Variants in ABR observed in about 807,000 individuals in gnomAD.
The protein encoded by ABR is active breakpoint cluster region-related protein.
Under a neutral mutation model 107.2 loss-of-function variants are expected in ABR, and 35 were observed. The observed-to-expected ratio is 0.33, with a 90% CI of 0.25 to 0.43. ABR has a LOEUF of 0.43. ABR is among the 20% of genes least tolerant of loss of function. The pLI, the probability that ABR is intolerant of heterozygous loss-of-function variation, is 1.00. For missense variants in ABR, 815 were observed against 1,115.2 expected, an observed-to-expected ratio of 0.73 and a Z score of 3.83; for synonymous variants, 498 against 462.0, an observed-to-expected ratio of 1.08 and a Z score of -1.00.
chr17:1,097,778 C>A (rs2037572775), intron 3 of ABR, among the ~76,000 whole-genome samples: 1 of 152,162 alleles, frequency 6.6e-6, no homozygotes, highest in African/African-American at 2.4e-5. Context: ...GAACTCCTTT[C>A]AAATACACAC....
chr17:1,059,473 C>A (rs1175993772), intron 10 of ABR, among the ~76,000 whole-genome samples: 1 of 152,188 alleles, frequency 6.6e-6, no homozygotes, highest in Non-Finnish European at 1.5e-5. Context: ...CACATTAAAT[C>A]CTGGGTACAA....
At chr17:1,227,912 G>GC (rs1275921229) in intron 1 of ABR, among the ~76,000 whole-genome samples, 1 of 152,172 alleles carries the variant, frequency 6.6e-6, no homozygotes, top group East Asian at 1.9e-4. Flanking sequence ...TTTGACTGCT[G>GC]CAAAGCACCG....
At chr17:1,052,412 T>C (rs2032684027) in intron 14 of ABR, among the ~76,000 whole-genome samples, 3 of 72,706 alleles carry the variant, frequency 4.1e-5, no homozygotes, top group Admixed American at 3.0e-4. Context: ...GAGGGAGGGT[T>C]CCGGAAGGGG....
intron 1 of ABR, among the ~76,000 whole-genome samples, chr17:1,226,043 C>G (rs2043207166): frequency 6.6e-6 from 1 of 152,180 alleles, no homozygotes; most frequent in Non-Finnish European, 1.5e-5. Context: ...CTCGCCGTGT[C>G]CAATGCACTC....
At chr17:1,118,106 C>T (rs1369997315) in intron 2 of ABR, among the ~76,000 whole-genome samples, 10 of 11,344 alleles carry the variant, frequency 8.8e-4, no homozygotes, top group Non-Finnish European at 9.7e-4. Context: ...CCTGAGTCCT[C>T]CCCAGCGTTA....
chr17:1,040,314 C>T (rs2030154886), intron 16 of ABR, among the ~76,000 whole-genome samples: 1 of 152,218 alleles, frequency 6.6e-6, no homozygotes, highest in African/African-American at 2.4e-5. Context: ...GGCTCCGGCC[C>T]CACGTTCTCT....
chr17:1,123,205 G>A (rs948695328), intron 2 of ABR, among the ~76,000 whole-genome samples: 20 of 152,152 alleles, frequency 1.3e-4, no homozygotes, highest in African/African-American at 1.9e-4. Context: ...CAGGTGCCGC[G>A]GATGGGACCT....
rs1351474189 is a variant in ABR, at chr17:1,159,536, A to ACG, written c.61+20130_61+20131insCG. ...CAGGAGAAGTAGGAATGCGGTACTC[A>ACG]CACACGGGAGAAGTAGGAATGCGGT... is the stretch of plus-strand genomic sequence containing the variant. On this transcript the variant is annotated intron_variant, in intron 1 of 22. Coordinates refer to ENST00000302538, the MANE Select transcript of ABR (RefSeq NM_021962.5). Among the ~76,000 whole-genome samples, 64 of 88,756 alleles carry ACG rather than the reference A, an allele frequency of 7.2e-4. 2 individuals carry two copies. Among genetic ancestry groups the ACG allele is most frequent in the South Asian group, 1.5e-3 (4 of 2,620 alleles). 58.2% of individuals were successfully genotyped at this position (88,756 alleles called of 152,430 possible). A position where few individuals can be genotyped will look rare whatever the true frequency, so the allele number is the denominator to read the frequency against.
At chr17:1,080,774 G>T (rs1168059928) in intron 5 of ABR, among the ~76,000 whole-genome samples, 1 of 130,784 alleles carries the variant, frequency 7.6e-6, no homozygotes, top group Non-Finnish European at 1.6e-5. Flanking sequence ...CGGGGGGGTG[G>T]GGGATACTCA....
rs558967986 is a variant in ABR at position 1,125,635 on chromosome 17, G to A, written c.62-268C>T. 158 of 356,872 alleles carry A rather than the reference G, an allele frequency of 4.4e-4. 1 individual carries two copies. The highest frequency in any genetic ancestry group is 2.9e-3 in the African/African-American group (134 of 46,650). The allele number at this position is 356,872 out of a possible 1,614,324, so 22.1% of individuals were successfully genotyped here. A position where few individuals can be genotyped will look rare whatever the true frequency, so the allele number is the denominator to read the frequency against. ...CTACCCGATGAAGAGCATGTCAGCC[G>A]CGTATTTCAAGCTGCTGTTTTCTTT... On this transcript the variant is annotated intron_variant, in intron 1 of 22. Coordinates refer to ENST00000302538, the MANE Select transcript of ABR (RefSeq NM_021962.5).
intron 1 of ABR, among the ~76,000 whole-genome samples, chr17:1,211,106 C>T (rs1053369077): frequency 9.9e-5 from 15 of 152,182 alleles, no homozygotes; most frequent in Admixed American, 2.6e-4. Flanking sequence ...GGTGAAACCC[C>T]GTCTCTACTA....
intron 16 of ABR, among the ~76,000 whole-genome samples, chr17:1,048,762 G>A (rs1005159192): frequency 2.0e-5 from 3 of 148,336 alleles, no homozygotes; most frequent in Non-Finnish European, 3.0e-5. Flanking sequence ...GAAGCTCGGC[G>A]CCCAGCTGCG....
intron 2 of ABR, among the ~76,000 whole-genome samples, chr17:1,107,114 G>A (rs146466491): frequency 1.2e-4 from 18 of 152,340 alleles, no homozygotes; most frequent in African/African-American, 2.9e-4. Flanking sequence ...GGAACTCCCC[G>A]GCATTCGAGA....
intron 1 of ABR, among the ~76,000 whole-genome samples, chr17:1,156,887 TC>T (rs1459357212): frequency 6.6e-6 from 1 of 152,136 alleles, no homozygotes; most frequent in Non-Finnish European, 1.5e-5. Flanking sequence ...AAGTGGCTCT[TC>T]CGTCCACCTC....
chr17:1,043,085 G>A (rs542908047), intron 16 of ABR, among the ~76,000 whole-genome samples: 1 of 152,292 alleles, frequency 6.6e-6, no homozygotes, highest in South Asian at 2.1e-4. Flanking sequence ...GTTTCGGCTG[G>A]GGAGGGCCAA....
intron 5 of ABR, among the ~76,000 whole-genome samples, chr17:1,083,014 C>T (rs758092804): frequency 6.6e-6 from 1 of 150,602 alleles, no homozygotes. Context: ...ATCCCAGCTA[C>T]TTGGGAGGCT....
Position 1,154,129 on chromosome 17 carries a change from A to G in ABR, c.61+25538T>C, listed in dbSNP as rs9900201. ...CTGCTCCGAGGACTGGGTCTAAGGG[A>G]CGAGGGCCAGGAACTGAGCAGCGGG... On this transcript the variant is annotated intron_variant, in intron 1 of 22. Transcript: ENST00000302538. This position sits in a 1 kb window ranked among gnomAD's most constrained non-coding sequence, Gnocchi z 4.0. 64,930 of 152,390 alleles carry G rather than the reference A, an allele frequency of 0.43. 14,252 individuals carry two copies. Among genetic ancestry groups the G allele is most frequent in the East Asian group, 0.53 (2,734 of 5,156 alleles). The allele number at this position is 152,390 out of a possible 1,614,324, so 9.4% of individuals were successfully genotyped here.
chr17:1,139,263 G>A (rs2040198102), intron 1 of ABR, among the ~76,000 whole-genome samples: 1 of 151,860 alleles, frequency 6.6e-6, no homozygotes, highest in South Asian at 2.1e-4. Flanking sequence ...TTTGTTTTTT[G>A]TTTTTTGAGA....
At chr17:1,106,563 C>T (rs143845533) in intron 2 of ABR, among the ~76,000 whole-genome samples, 24,244 of 145,280 alleles carry the variant, frequency 0.17, 2,151 homozygotes, top group Middle Eastern at 0.22. Context: ...TGAGTCTCAC[C>T]CTGTCGCCCA....
Sources: allele counts gnomAD v4.1 joint callset (sites outside exome capture counted in the v4.1 genomes callset), GRCh38; gene constraint gnomAD v4.1.1; non-coding constraint Gnocchi (gnomAD v3.1); transcripts MANE v1.5; gene names NCBI Gene and HGNC (gene_info 2026-07-23, HGNC 2026-07-21).